The following SIPA1L1 variants were observed in gnomAD, a reference collection of about 807,000 sequenced individuals.
SIPA1L1 encodes the protein signal-induced proliferation-associated 1-like protein 1.
Under a neutral mutation model 162.7 loss-of-function variants are expected in SIPA1L1, and 26 were observed. The observed-to-expected ratio is 0.16, with a 90% CI of 0.12 to 0.22. The LOEUF (loss-of-function observed/expected upper bound fraction) is 0.22, where lower values mean the gene tolerates loss of function less well. Among genes scored for constraint, SIPA1L1 ranks in the 10% least tolerant of loss-of-function variants. The pLI is 1.00. For synonymous variants in SIPA1L1, 829 were observed against 837.4 expected, an observed-to-expected ratio of 0.99 and a Z score of 0.17; for missense variants, 1,874 against 2,241.0, an observed-to-expected ratio of 0.84 and a Z score of 3.31.
intron 2 of SIPA1L1, among the ~76,000 whole-genome samples, chr14:71,389,305 G>C (rs1049806850): frequency 6.6e-6 from 1 of 152,180 alleles, no homozygotes; most frequent in African/African-American, 2.4e-5. Flanking sequence ...GTTGTACAAG[G>C]CATCTGTCTA....
intron 2 of SIPA1L1, among the ~76,000 whole-genome samples, chr14:71,464,532 T>G (rs547694994): frequency 9.6e-4 from 146 of 152,102 alleles, no homozygotes; most frequent in African/African-American, 3.4e-3. Flanking sequence ...TCCCAGCTAC[T>G]TAGGAGGCTA....
At position 71,510,600 on chromosome 14, in the gene SIPA1L1, T is replaced by A. The variant is rs149267598; in HGVS notation, c.-464-2143T>A. Among the ~76,000 whole-genome samples the A allele has an allele frequency of 3.9e-5, 6 of 152,292 alleles. No individual in the cohort carries two copies. In the East Asian group the frequency reaches 1.2e-3, roughly 29 times the overall value. ...CATAGAATGTTTTTGCCCTATTGTT[T>A]TGCCTGGGAATTATTGCCAGGGGTG... On this transcript the variant is annotated intron_variant, in intron 2 of 23. Transcript: ENST00000381232.
intron 2 of SIPA1L1, chr14:71,398,555 G>C (rs1359394188): frequency 6.6e-6 from 1 of 152,214 alleles, no homozygotes; most frequent in Non-Finnish European, 1.5e-5. Flanking sequence ...GTGACTCCGA[G>C]TGACACGCCT....
chr14:71,731,507 T>A (rs1370151546), intron 20 of SIPA1L1, among the ~76,000 whole-genome samples: 1 of 152,226 alleles, frequency 6.6e-6, no homozygotes, highest in East Asian at 1.9e-4. Context: ...TTTTCTCTTC[T>A]TCTCTCCCTA....
intron 2 of SIPA1L1, among the ~76,000 whole-genome samples, chr14:71,403,504 G>A (rs545457570): frequency 6.6e-6 from 1 of 150,608 alleles, no homozygotes; most frequent in East Asian, 2.0e-4. Flanking sequence ...GGAGGCTGAG[G>A]CAGGAGAATC....
chr14:71,566,717 T>A (rs145560194), intron 4 of SIPA1L1, among the ~76,000 whole-genome samples: 2 of 152,356 alleles, frequency 1.3e-5, no homozygotes, highest in Non-Finnish European at 2.9e-5. Context: ...TAATCCTATT[T>A]TAAAGGAACA....
At chr14:71,432,716 G>C (rs1356355081) in intron 2 of SIPA1L1, among the ~76,000 whole-genome samples, 2 of 152,112 alleles carry the variant, frequency 1.3e-5, no homozygotes, top group African/African-American at 4.8e-5. Context: ...CTTCATTTTG[G>C]GGTATTGTTT....
intron 14 of SIPA1L1, among the ~76,000 whole-genome samples, chr14:71,699,384 T>C (rs990336709): frequency 6.6e-6 from 1 of 152,206 alleles, no homozygotes; most frequent in African/African-American, 2.4e-5. Flanking sequence ...GTTTGTCCAT[T>C]GTATATATTG....
chr14:71,530,375 C>T (rs975634776), intron 4 of SIPA1L1, among the ~76,000 whole-genome samples: 1 of 150,194 alleles, frequency 6.7e-6, no homozygotes, highest in African/African-American at 2.5e-5. Context: ...GCGTCCTGAT[C>T]GACCAACTTG....
intron 4 of SIPA1L1, among the ~76,000 whole-genome samples, chr14:71,577,069 C>CAAAAAAAAA (rs747771194): frequency 9.0e-6 from 1 of 111,566 alleles, no homozygotes. Flanking sequence ...GGTGACAGAG[C>CAAAAAAAAA]AAAAAAAAAA....
intron 8 of SIPA1L1, among the ~76,000 whole-genome samples, chr14:71,652,464 A>G (rs997882158): frequency 3.3e-5 from 5 of 152,220 alleles, no homozygotes; most frequent in Non-Finnish European, 2.9e-5. Context: ...TTCCCACTGT[A>G]GATGTCACTT....
chr14:71,374,605 T>C (rs1218337474), intron 2 of SIPA1L1, among the ~76,000 whole-genome samples: 2 of 151,980 alleles, frequency 1.3e-5, no homozygotes, highest in Non-Finnish European at 2.9e-5. Flanking sequence ...CTGGTTTAAA[T>C]TGTAAGTAAA....
At chr14:71,330,560 C>A (rs2034405918) in intron 2 of SIPA1L1, 2 of 1,282,220 alleles carry the variant, frequency 1.6e-6, no homozygotes, top group South Asian at 2.4e-5. Context: ...AGCTGGGAGG[C>A]CTTTCCTCCT....
At chr14:71,565,981 C>T (rs191543282) in intron 4 of SIPA1L1, among the ~76,000 whole-genome samples, 41 of 151,974 alleles carry the variant, frequency 2.7e-4, no homozygotes, top group Admixed American at 6.6e-4. Flanking sequence ...ATGTTAACTA[C>T]TAGCCAACTC....
chr14:71,589,529 C>A (rs1433309188), intron 5 of SIPA1L1, among the ~76,000 whole-genome samples, 159 bp downstream of exon 5: 1 of 152,060 alleles, frequency 6.6e-6, no homozygotes, highest in Non-Finnish European at 1.5e-5. Context: ...CAATTTATTT[C>A]TTTTTGCATT....
At chr14:71,723,345 T>TC (rs2083921803) in intron 17 of SIPA1L1, among the ~76,000 whole-genome samples, 1 of 152,166 alleles carries the variant, frequency 6.6e-6, no homozygotes, top group African/African-American at 2.4e-5. Context: ...CTGCCAGACT[T>TC]CCGTGACAAA....
intron 2 of SIPA1L1, among the ~76,000 whole-genome samples, chr14:71,460,095 A>G (rs2046481794): frequency 6.6e-6 from 1 of 152,204 alleles, no homozygotes; most frequent in African/African-American, 2.4e-5. Flanking sequence ...AAATAAAGAT[A>G]TTTTCTTAGT....
intron 4 of SIPA1L1, among the ~76,000 whole-genome samples, chr14:71,547,541 G>A (rs1015174389): frequency 2.0e-5 from 3 of 152,008 alleles, no homozygotes; most frequent in Admixed American, 1.3e-4. Context: ...TGATCCGTGC[G>A]CGTTGGCCTC....
chr14:71,386,937 G>A (rs1245632237), intron 2 of SIPA1L1, among the ~76,000 whole-genome samples: 1 of 152,042 alleles, frequency 6.6e-6, no homozygotes, highest in African/African-American at 2.4e-5. Flanking sequence ...CTGGCCCTTA[G>A]TTATGGATAG....
Sources: allele counts gnomAD v4.1 joint callset (sites outside exome capture counted in the v4.1 genomes callset), GRCh38; gene constraint gnomAD v4.1.1; transcripts MANE v1.5; gene names NCBI Gene and HGNC (gene_info 2026-07-23, HGNC 2026-07-21).